ZNF131: variants seen among roughly 807,000 people sequenced by gnomAD.
ZNF131 encodes the protein zinc finger protein 131.
A neutral mutation model predicts 60.0 loss-of-function variants in ZNF131; 7 were observed. That is an observed-to-expected ratio of 0.12 (90% CI 0.07 to 0.22). The LOEUF (loss-of-function observed/expected upper bound fraction) is 0.22. Among genes scored for constraint, ZNF131 ranks in the 10% least tolerant of loss-of-function variants. The pLI, the probability that ZNF131 is intolerant of heterozygous loss-of-function variation, is 1.00. For synonymous variants in ZNF131, 257 were observed against 253.2 expected, an observed-to-expected ratio of 1.01 and a Z score of -0.14; for missense variants, 493 against 740.9, an observed-to-expected ratio of 0.67 and a Z score of 3.88.
chr5:43,147,195 A>G (rs780124267), intron 4 of ZNF131, among the ~76,000 whole-genome samples: 1 of 151,762 alleles, frequency 6.6e-6, no homozygotes, highest in Non-Finnish European at 1.5e-5. Context: ...CAGTGTGGGT[A>G]TGCTACAGTT....
At chr5:43,158,549 C>G (rs1579854354) in intron 4 of ZNF131, among the ~76,000 whole-genome samples, 1 of 152,222 alleles carries the variant, frequency 6.6e-6, no homozygotes, top group Non-Finnish European at 1.5e-5. Flanking sequence ...CTCAGCCTCC[C>G]AAAGTGTTGG....
At chr5:43,121,423 A>T (rs1177374925) in intron 1 of ZNF131, 1 of 152,446 alleles carries the variant, frequency 6.6e-6, no homozygotes, top group African/African-American at 2.4e-5. Flanking sequence ...GGCCCCGCCC[A>T]TCCACTGAGG....
intron 3 of ZNF131, 93 bp from the exon 4 acceptor site, chr5:43,139,072 C>G: frequency 9.1e-7 from 1 of 1,098,076 alleles, no homozygotes; most frequent in South Asian, 3.1e-5. Context: ...AAATACTCAA[C>G]AAGCTCCAAG....
intron 6 of ZNF131, 74 bp from the exon 7 acceptor site, chr5:43,174,373 A>G: frequency 2.3e-6 from 3 of 1,302,802 alleles, no homozygotes; most frequent in Non-Finnish European, 3.1e-6. Flanking sequence ...TTTTCTTTAC[A>G]GAGAATAAAT....
At chr5:43,140,041 C>A (rs1049444351) in intron 4 of ZNF131, among the ~76,000 whole-genome samples, 2 of 152,062 alleles carry the variant, frequency 1.3e-5, no homozygotes, top group African/African-American at 4.8e-5. Context: ...CATGGTGAAA[C>A]CCTGTCTCTA....
chr5:43,140,627 A>T (rs903205360), intron 4 of ZNF131, among the ~76,000 whole-genome samples: 36 of 152,270 alleles, frequency 2.4e-4, no homozygotes, highest in Non-Finnish European at 5.9e-5. Flanking sequence ...AATCAGTTTC[A>T]CATAGCGGCA....
intron 3 of ZNF131, among the ~76,000 whole-genome samples, chr5:43,133,578 A>T (rs1249754657): frequency 2.0e-5 from 3 of 152,192 alleles, no homozygotes; most frequent in African/African-American, 7.2e-5. Flanking sequence ...ACAGATCAAA[A>T]ATCACTTTCC....
intron 5 of ZNF131, among the ~76,000 whole-genome samples, chr5:43,163,060 C>T (rs1749941976): frequency 7.2e-6 from 1 of 139,460 alleles, no homozygotes; most frequent in East Asian, 2.5e-4. Context: ...TAACCTCCGC[C>T]TCCCGGGTTC....
chr5:43,171,444 C>G (rs368496415), intron 5 of ZNF131, among the ~76,000 whole-genome samples: 1 of 151,964 alleles, frequency 6.6e-6, no homozygotes, highest in African/African-American at 2.4e-5. Context: ...TGGCTGGGCA[C>G]GGTGGATCAC....
At chr5:43,127,773 G>A (rs1490489523) in intron 3 of ZNF131, among the ~76,000 whole-genome samples, 1 of 152,162 alleles carries the variant, frequency 6.6e-6, no homozygotes, top group Non-Finnish European at 1.5e-5. Context: ...TTTGTGGCTT[G>A]GATTCACACC....
intron 4 of ZNF131, among the ~76,000 whole-genome samples, chr5:43,143,898 C>CCTTTT: frequency 2.9e-5 from 1 of 34,974 alleles, no homozygotes; most frequent in Non-Finnish European, 5.0e-5. Flanking sequence ...ATTGTCAGAG[C>CCTTTT]TTTTTTTTTT....
chr5:43,155,788 T>G (rs1167739250), intron 4 of ZNF131, among the ~76,000 whole-genome samples: 1 of 151,786 alleles, frequency 6.6e-6, no homozygotes, highest in Non-Finnish European at 1.5e-5. Context: ...ATGGATGGAG[T>G]GTTGTGAATC....
Position 43,139,254 on chromosome 5 carries a change from T to C in ZNF131, c.316T>C (p.Trp106Arg), listed in dbSNP as rs1489117258. Residue 106 changes from tryptophan to arginine, a missense_variant, in exon 4 of 7, where the codon TGG becomes CGG. Trp to Arg is a moderately radical substitution (Grantham distance 101, BLOSUM62 -3). Around this residue, in one of 7 missense-constraint regions of ZNF131, gnomAD observed 66 missense variants for 148.0 expected, o/e 0.45. Coordinates refer to ENST00000682664, the MANE Select transcript of ZNF131 (RefSeq NM_001330707.2). ...IQGEEEANDV[W>R]KAAEFLQMLE... ...AGGAGAAGAAGAAGCCAATGATGTA[T>C]GGAAAGCAGCAGAGTTTCTACAAAT... 1.9e-6 allele frequency: 3 copies of C among 1,612,920 alleles called. No homozygotes were observed. Among genetic ancestry groups the C allele is most frequent in the African/African-American group, 1.3e-5 (1 of 74,866 alleles).
chr5:43,160,743 G>A (rs1388920578), intron 4 of ZNF131, among the ~76,000 whole-genome samples: 1 of 145,840 alleles, frequency 6.9e-6, no homozygotes, highest in Non-Finnish European at 1.5e-5. Context: ...GAGTGCAATG[G>A]TGCGATCTTG....
chr5:43,169,900 C>G (rs1259907200), intron 5 of ZNF131, among the ~76,000 whole-genome samples: 6 of 151,930 alleles, frequency 3.9e-5, no homozygotes, highest in African/African-American at 1.4e-4. Flanking sequence ...AAGCAATTCT[C>G]CTGCCTCAGC....
chr5:43,147,554 A>T (rs1434724542), intron 4 of ZNF131, among the ~76,000 whole-genome samples: 1 of 151,114 alleles, frequency 6.6e-6, no homozygotes, highest in Non-Finnish European at 1.5e-5. Flanking sequence ...AGTAGCTGGG[A>T]CTACAGGCGC....
intron 4 of ZNF131, among the ~76,000 whole-genome samples, chr5:43,160,770 G>A (rs1312159450): frequency 1.4e-5 from 2 of 138,876 alleles, no homozygotes; most frequent in East Asian, 2.4e-4. Flanking sequence ...CCCAACCTCC[G>A]CCTCCTGGGT....
chr5:43,141,046 A>G (rs1026519346), intron 4 of ZNF131, among the ~76,000 whole-genome samples: 2 of 152,162 alleles, frequency 1.3e-5, no homozygotes, highest in African/African-American at 4.8e-5. Context: ...TAAGAGATAA[A>G]AATTTAGATA....
chr5:43,138,400 TC>T (rs1274716787), intron 3 of ZNF131, among the ~76,000 whole-genome samples: 5 of 152,202 alleles, frequency 3.3e-5, no homozygotes, highest in Admixed American at 6.5e-5. Flanking sequence ...ACGCCTGTAA[TC>T]CCAGCACTTT....
Sources: allele counts gnomAD v4.1 joint callset (sites outside exome capture counted in the v4.1 genomes callset), GRCh38; gene constraint gnomAD v4.1.1; regional missense constraint gnomAD v4.1.1; transcripts MANE v1.5; gene names NCBI Gene and HGNC (gene_info 2026-07-23, HGNC 2026-07-21).